The following TBL1X variants were observed in gnomAD, a reference collection of about 807,000 sequenced individuals.
TBL1X encodes the protein F-box-like/WD repeat-containing protein TBL1X.
In TBL1X, 10 loss-of-function variants were observed where a neutral mutation model predicts 50.7. The ratio of observed to expected loss-of-function variants is 0.20; its 90% CI spans 0.12 to 0.33. The LOEUF is 0.33. Ranked by LOEUF, TBL1X falls within the 10% of genes least tolerant of loss-of-function variation. The probability of loss-of-function intolerance (pLI) is 1.00; values close to 1 mark genes in which losing one functional copy is unlikely to be tolerated. For synonymous variants in TBL1X, 190 were observed against 214.7 expected, an observed-to-expected ratio of 0.88 and a Z score of 1.01; for missense variants, 340 against 504.4, an observed-to-expected ratio of 0.67 and a Z score of 3.12.
chrX:9,689,202 C>G lies in TBL1X; in HGVS notation c.616+927C>G, dbSNP rs901170290. Among the ~76,000 whole-genome samples, 17 of 112,667 alleles carry G rather than the reference C, an allele frequency of 1.5e-4. 2 individuals are homozygous for G. The highest frequency in any genetic ancestry group is 1.4e-3 in the Admixed American group (15 of 10,769). On this transcript the variant is annotated intron_variant, in intron 7 of 17. Coordinates refer to ENST00000645353, the MANE Select transcript of TBL1X (RefSeq NM_005647.4). ...CCCTCGGAGCAGCCATGCAGCCCAG[C>G]AGTCCTTGAAGATCGAGCTGACTAT... is the stretch of plus-strand genomic sequence containing the variant.
chrX:9,564,984 T>C (rs1254440640), intron 2 of TBL1X, among the ~76,000 whole-genome samples: 1 of 109,415 alleles, frequency 9.1e-6, no homozygotes, highest in Non-Finnish European at 1.9e-5. Context: ...TAAAAAAAAA[T>C]CATAGGCTGG....
chrX:9,508,861 C>T (rs1210671068), intron 2 of TBL1X, among the ~76,000 whole-genome samples: 1 of 110,569 alleles, frequency 9.0e-6, no homozygotes, highest in African/African-American at 3.3e-5. Flanking sequence ...CGCATATTCT[C>T]ACTCATAAGG....
chrX:9,495,771 G>A (rs1254365546), intron 1 of TBL1X, among the ~76,000 whole-genome samples: 2 of 111,626 alleles, frequency 1.8e-5, no homozygotes, highest in African/African-American at 3.3e-5. Context: ...GCATCTGGGG[G>A]CCATTTTAAG....
At chrX:9,534,438 C>G (rs1223874032) in intron 2 of TBL1X, among the ~76,000 whole-genome samples, 1 of 108,699 alleles carries the variant, frequency 9.2e-6, no homozygotes, top group African/African-American at 3.4e-5. Flanking sequence ...TTCAGTGTGG[C>G]TTATATATAA....
chrX:9,545,897 A>G (rs1156302208), intron 2 of TBL1X, among the ~76,000 whole-genome samples: 1 of 111,560 alleles, frequency 9.0e-6, no homozygotes, highest in African/African-American at 3.3e-5. Flanking sequence ...GAGTCCCCCA[A>G]CCTTCTTCTA....
chrX:9,557,371 C>T (rs958924208), intron 2 of TBL1X, among the ~76,000 whole-genome samples: 2 of 111,618 alleles, frequency 1.8e-5, no homozygotes, highest in Admixed American at 1.9e-4. Context: ...TGTGGATTTG[C>T]AGGGGAAACA....
intron 2 of TBL1X, among the ~76,000 whole-genome samples, chrX:9,620,248 G>A (rs1356517146): frequency 1.8e-5 from 2 of 112,349 alleles, no homozygotes; most frequent in East Asian, 2.8e-4. Flanking sequence ...GCAGTGTTCC[G>A]TGGGGTTGTG....
At chrX:9,549,559 G>A (rs752320458) in intron 2 of TBL1X, among the ~76,000 whole-genome samples, 12 of 111,271 alleles carry the variant, frequency 1.1e-4, no homozygotes, top group African/African-American at 2.9e-4. Flanking sequence ...GGCCCTTTCC[G>A]GAAAGAGTCC....
intron 2 of TBL1X, among the ~76,000 whole-genome samples, chrX:9,581,569 T>C (rs752123883): frequency 1.8e-5 from 2 of 111,784 alleles, no homozygotes; most frequent in South Asian, 7.6e-4. Flanking sequence ...GGCTAGTGGG[T>C]GGAGCCCTGG....
chrX:9,483,685 C>T lies in TBL1X; in HGVS notation c.-200-18095C>T, dbSNP rs370405809. Among the ~76,000 whole-genome samples the T allele has an allele frequency of 6.5e-4, 72 of 111,589 alleles. No individual in the cohort carries two copies. In the East Asian group the frequency reaches 0.016, roughly 25 times the overall value. ...TCTGTGCTCTGAACAAACTCCTATG[C>T]GGGTCTCTTTGAAGTCTTTTTGCCT... On this transcript the variant is annotated intron_variant, in intron 1 of 17. Coordinates refer to ENST00000645353, the MANE Select transcript of TBL1X (RefSeq NM_005647.4).
intron 12 of TBL1X, among the ~76,000 whole-genome samples, chrX:9,697,841 C>T (rs996926052): frequency 3.6e-5 from 4 of 111,806 alleles, no homozygotes; most frequent in East Asian, 2.8e-4. Context: ...TCCAGCACTT[C>T]GGAAGGCTGA....
chrX:9,660,357 G>C (rs998028450), intron 5 of TBL1X, among the ~76,000 whole-genome samples: 9 of 112,551 alleles, frequency 8.0e-5, no homozygotes, highest in Non-Finnish European at 1.5e-4. Flanking sequence ...CACTAACGTT[G>C]TGTCCGGCAC....
chrX:9,606,680 AAAAT>A (rs1230139530), intron 2 of TBL1X, among the ~76,000 whole-genome samples: 1 of 111,455 alleles, frequency 9.0e-6, no homozygotes, highest in Non-Finnish European at 1.9e-5. Context: ...CCGTGTCCCA[AAAAT>A]AAATAATAAA....
In TBL1X at chrX:9,602,678, G is replaced by T. The variant is rs775677000; in HGVS notation, c.-130-37595G>T. Reference sequence around the variant, plus strand: ...CACAGGTGACTTTCTCACACTAAATGGATGATGAGTATTGGGAAGAGTTGA... The same window carrying T: ...CACAGGTGACTTTCTCACACTAAATTGATGATGAGTATTGGGAAGAGTTGA... On this transcript the variant is annotated intron_variant, in intron 2 of 17. Transcript: ENST00000645353. 3.7e-4 allele frequency among the ~76,000 whole-genome samples: 41 copies of T among 111,949 alleles called. No homozygotes were observed. In the Middle Eastern group the frequency reaches 0.032, roughly 88 times the overall value.
intron 3 of TBL1X, among the ~76,000 whole-genome samples, chrX:9,648,284 G>A (rs774708552): frequency 1.8e-5 from 2 of 112,120 alleles, no homozygotes; most frequent in African/African-American, 6.5e-5. Context: ...GCAATAAAAA[G>A]TAGTAATTGT....
At chrX:9,714,066 C>T (rs1396410139) in intron 16 of TBL1X, among the ~76,000 whole-genome samples, 1 of 111,472 alleles carries the variant, frequency 9.0e-6, no homozygotes, top group Non-Finnish European at 1.9e-5. Flanking sequence ...CCTCCCGCCT[C>T]GGCCTCCCAA....
At chrX:9,533,758 T>C (rs2082173898) in intron 2 of TBL1X, among the ~76,000 whole-genome samples, 1 of 111,308 alleles carries the variant, frequency 9.0e-6, no homozygotes, top group Non-Finnish European at 1.9e-5. Context: ...TTACGAGAAA[T>C]GGAGACCAGG....
chrX:9,692,312 G>T, intron 9 of TBL1X, 58 bp downstream of exon 9: 1 of 1,136,819 alleles, frequency 8.8e-7, no homozygotes, highest in Non-Finnish European at 1.2e-6. Flanking sequence ...CAGCCACCAG[G>T]CAGGGGCTGC....
intron 2 of TBL1X, among the ~76,000 whole-genome samples, chrX:9,553,711 A>G (rs756017414): frequency 2.7e-5 from 3 of 112,194 alleles, no homozygotes; most frequent in African/African-American, 9.7e-5. Context: ...TACTAGTGTG[A>G]TTTATGCTAA....
Sources: allele counts gnomAD v4.1 joint callset (sites outside exome capture counted in the v4.1 genomes callset), GRCh38; gene constraint gnomAD v4.1.1; transcripts MANE v1.5; gene names NCBI Gene and HGNC (gene_info 2026-07-23, HGNC 2026-07-21).